Variants in CTNND2 observed in about 807,000 individuals in gnomAD.
CTNND2 encodes catenin delta 2, also known as catenin delta-2.
In CTNND2, 22 loss-of-function variants were observed where a neutral mutation model predicts 144.4. The ratio of observed to expected loss-of-function variants is 0.15; its 90% CI spans 0.11 to 0.22. The LOEUF (loss-of-function observed/expected upper bound fraction) is 0.22, where lower values mean the gene tolerates loss of function less well. CTNND2 is among the 10% of genes least tolerant of loss of function. CTNND2 has a pLI of 1.00. For synonymous variants in CTNND2, 751 were observed against 695.6 expected (o/e 1.08, Z -1.25); for missense variants, 1,353 against 1,618.8 (o/e 0.84, Z 2.82).
chr5:11,613,713 G>A (rs1162785925), intron 2 of CTNND2, among the ~76,000 whole-genome samples: 1 of 152,184 alleles, frequency 6.6e-6, no homozygotes, highest in Non-Finnish European at 1.5e-5. Flanking sequence ...CAGCTCTTGG[G>A]TCATCTCTTT....
chr5:11,854,790 T>C (rs1227574786), intron 1 of CTNND2, among the ~76,000 whole-genome samples: 6 of 152,250 alleles, frequency 3.9e-5, no homozygotes, highest in African/African-American at 1.4e-4. Context: ...AAGTAGTTCT[T>C]CAACCTTCCT....
chr5:11,326,375 G>A (rs969215377), intron 9 of CTNND2, among the ~76,000 whole-genome samples: 3 of 152,292 alleles, frequency 2.0e-5, no homozygotes, highest in African/African-American at 7.2e-5. Context: ...TATTTGAGAA[G>A]AGGGTGGGAT....
At chr5:11,136,921 G>A (rs770723692) in intron 12 of CTNND2, among the ~76,000 whole-genome samples, 8 of 152,154 alleles carry the variant, frequency 5.3e-5, no homozygotes, top group Non-Finnish European at 1.2e-4. Context: ...CCCTGACCAG[G>A]CTAAATTCAT....
intron 8 of CTNND2, among the ~76,000 whole-genome samples, chr5:11,351,006 A>C (rs1755278907): frequency 6.6e-6 from 1 of 152,212 alleles, no homozygotes; most frequent in Non-Finnish European, 1.5e-5. Flanking sequence ...AATGACATAA[A>C]GATTCAGGGT....
intron 1 of CTNND2, among the ~76,000 whole-genome samples, chr5:11,746,894 T>C (rs1314792581): frequency 6.6e-6 from 1 of 152,156 alleles, no homozygotes; most frequent in Non-Finnish European, 1.5e-5. Flanking sequence ...CTTCCCAGGT[T>C]TACAAACATA....
chr5:11,780,140 A>T (rs1280184353), intron 1 of CTNND2, among the ~76,000 whole-genome samples: 1 of 152,176 alleles, frequency 6.6e-6, no homozygotes, highest in Non-Finnish European at 1.5e-5. Context: ...CATTGAAGGC[A>T]GGGCCAGGTC....
At chr5:11,520,316 C>T (rs1772610486) in intron 3 of CTNND2, among the ~76,000 whole-genome samples, 1 of 152,156 alleles carries the variant, frequency 6.6e-6, no homozygotes, top group Admixed American at 6.5e-5. Flanking sequence ...GTTATTATCA[C>T]AGCCCTGCCA....
At chr5:11,629,470 A>AG (rs1345764245) in intron 2 of CTNND2, among the ~76,000 whole-genome samples, 1 of 152,198 alleles carries the variant, frequency 6.6e-6, no homozygotes, top group Non-Finnish European at 1.5e-5. Flanking sequence ...TTGTTTAGAA[A>AG]GAATGTATTT....
intron 1 of CTNND2, among the ~76,000 whole-genome samples, chr5:11,892,189 C>T (rs865995489): frequency 1.3e-4 from 20 of 152,056 alleles, no homozygotes; most frequent in Non-Finnish European, 2.2e-4. Flanking sequence ...TGAACTTTTC[C>T]ACATGCAGCT....
chr5:11,539,028 C>T (rs1419307312), intron 3 of CTNND2, among the ~76,000 whole-genome samples: 2 of 151,982 alleles, frequency 1.3e-5, no homozygotes, highest in Non-Finnish European at 2.9e-5. Context: ...AATATTATTG[C>T]CATTAATTGT....
intron 3 of CTNND2, among the ~76,000 whole-genome samples, chr5:11,441,956 CTTT>C (rs1345515055): frequency 6.6e-6 from 1 of 152,176 alleles, no homozygotes; most frequent in Non-Finnish European, 1.5e-5. Context: ...GCCTGTGTGG[CTTT>C]TCTAATTTTT....
At chr5:11,568,905 T>G (rs1316647378) in intron 2 of CTNND2, among the ~76,000 whole-genome samples, 35 of 152,240 alleles carry the variant, frequency 2.3e-4, no homozygotes, top group Admixed American at 2.3e-3. Context: ...TGTGAATATA[T>G]TTACTGAAAC....
chr5:11,567,686 T>C (rs962335092), intron 2 of CTNND2, among the ~76,000 whole-genome samples: 2 of 152,214 alleles, frequency 1.3e-5, no homozygotes, highest in African/African-American at 2.4e-5. Context: ...AAAATTTCAT[T>C]TGGGTCTTTT....
intron 9 of CTNND2, among the ~76,000 whole-genome samples, chr5:11,273,163 T>C (rs1308865040): frequency 6.6e-6 from 1 of 152,228 alleles, no homozygotes; most frequent in Non-Finnish European, 1.5e-5. Context: ...CAATTTTGCC[T>C]CTTGGCCCAC....
chr5:11,400,971 C>G (rs764243375), intron 5 of CTNND2, among the ~76,000 whole-genome samples: 1 of 152,150 alleles, frequency 6.6e-6, no homozygotes, highest in African/African-American at 2.4e-5. Context: ...TTGAAAAAGT[C>G]CTGTGTAAAC....
At chr5:11,198,152 A>G (rs1561007544) in intron 11 of CTNND2, among the ~76,000 whole-genome samples, 1 of 152,208 alleles carries the variant, frequency 6.6e-6, no homozygotes. Context: ...TTTCAGTTAC[A>G]TAACTCACCC....
At chr5:11,252,319 A>G (rs1743747981) in intron 9 of CTNND2, among the ~76,000 whole-genome samples, 1 of 152,198 alleles carries the variant, frequency 6.6e-6, no homozygotes, top group African/African-American at 2.4e-5. Context: ...AGGTCAGTGT[A>G]ACAAGCAGCT....
At chr5:11,727,237 C>T (rs954021127) in intron 2 of CTNND2, among the ~76,000 whole-genome samples, 1 of 152,200 alleles carries the variant, frequency 6.6e-6, no homozygotes, top group Non-Finnish European at 1.5e-5. Context: ...ACATGAACTT[C>T]ATAACTTTAC....
chr5:11,351,978 C>T (rs970325904), intron 8 of CTNND2, among the ~76,000 whole-genome samples: 1 of 152,178 alleles, frequency 6.6e-6, no homozygotes, highest in Non-Finnish European at 1.5e-5. Flanking sequence ...AGCACCCAAT[C>T]TGGCATATAT....
Sources: gnomAD v4.1 joint callset for allele counts (sites outside exome capture counted in the v4.1 genomes callset) on GRCh38, gnomAD v4.1.1 for gene constraint, MANE v1.5 for transcripts, NCBI Gene and HGNC (gene_info 2026-07-23, HGNC 2026-07-21) for gene names.